The following XPO6 variants were observed in gnomAD, a reference collection of about 807,000 sequenced individuals.
XPO6 encodes the protein exportin-6.
A neutral mutation model predicts 130.0 loss-of-function variants in XPO6; 3 were observed. That is an observed-to-expected ratio of 0.02 (90% CI 0.01 to 0.06). The LOEUF (loss-of-function observed/expected upper bound fraction) is 0.06, where lower values mean the gene tolerates loss of function less well. Ranked by LOEUF, XPO6 falls within the 10% of genes least tolerant of loss-of-function variation. The probability of loss-of-function intolerance (pLI) is 1.00; values close to 1 mark genes in which losing one functional copy is unlikely to be tolerated. For missense variants in XPO6, 970 were observed against 1,393.0 expected (o/e 0.70, Z 4.83); for synonymous variants, 524 against 548.9 (o/e 0.95, Z 0.63).
Position 28,176,030 on chromosome 16 carries a change from C to T in XPO6, c.273G>A (p.Leu91=). The T allele has an allele frequency of 6.2e-7, 1 of 1,614,184 alleles. No individual in the cohort carries two copies. The highest frequency in any genetic ancestry group is 8.5e-7 in the Non-Finnish European group (1 of 1,180,036). ...SQDKMEIRSC[L]PKLLLAHHKT... is the part of the protein sequence containing the mutation. ...TATGGTGAGCCAAAAGGAGTTTGGG[C>T]AGACAGCTACGGATTTCCATCTTAT... The change falls in exon 4 of 24, where the codon CTG becomes CTA. Residue 91 remains leucine, a synonymous_variant. Coordinates refer to ENST00000304658, the MANE Select transcript of XPO6 (RefSeq NM_015171.4).
intron 13 of XPO6, among the ~76,000 whole-genome samples, chr16:28,124,471 A>G (rs908405473): frequency 6.6e-6 from 1 of 152,168 alleles, no homozygotes; most frequent in African/African-American, 2.4e-5. Context: ...CCTCAGTGCA[A>G]ATGGGCCCAG....
At chr16:28,145,948 A>G in intron 9 of XPO6, 146 bp downstream of exon 9, 1 of 551,030 alleles carries the variant, frequency 1.8e-6, no homozygotes. Context: ...AAGGAGAAAA[A>G]AAAGGAAATG....
chr16:28,166,323 T>A (rs1410763541), intron 6 of XPO6, among the ~76,000 whole-genome samples, 185 bp downstream of exon 6: 1 of 152,176 alleles, frequency 6.6e-6, no homozygotes, highest in Non-Finnish European at 1.5e-5. Flanking sequence ...ACTATTTTTT[T>A]AATGTAATTT....
intron 5 of XPO6, 89 bp from the exon 6 acceptor site, chr16:28,166,674 T>C: frequency 6.5e-7 from 1 of 1,536,892 alleles, no homozygotes; most frequent in Non-Finnish European, 8.8e-7. Flanking sequence ...ATACCTCTGA[T>C]CAAACATGAG....
chr16:28,119,979 C>T (rs547030318), intron 14 of XPO6, among the ~76,000 whole-genome samples: 2 of 152,190 alleles, frequency 1.3e-5, no homozygotes, highest in South Asian at 4.1e-4. Context: ...GTAGTTGGGA[C>T]TACAGGTGCA....
At chr16:28,107,782 G>T in intron 17 of XPO6, 105 bp from the exon 18 acceptor site, 1 of 1,224,204 alleles carries the variant, frequency 8.2e-7, no homozygotes, top group Non-Finnish European at 1.2e-6. Context: ...CCAAGAAGAT[G>T]ATCACACGAG....
At chr16:28,105,864 A>C in intron 20 of XPO6, 179 bp downstream of exon 20, 2 of 894,188 alleles carry the variant, frequency 2.2e-6, no homozygotes, top group Admixed American at 2.7e-5. Flanking sequence ...CAATGAACTC[A>C]ATCAATATAA....
chr16:28,201,110 G>GT (rs1334453804), intron 1 of XPO6, among the ~76,000 whole-genome samples: 1 of 152,030 alleles, frequency 6.6e-6, no homozygotes, highest in East Asian at 1.9e-4. Flanking sequence ...GGGCTCCCCA[G>GT]TAAGCACACC....
chr16:28,168,673 G>A (rs118127284), intron 5 of XPO6, among the ~76,000 whole-genome samples: 4 of 151,052 alleles, frequency 2.6e-5, no homozygotes, highest in African/African-American at 9.7e-5. Flanking sequence ...ACGATCATAG[G>A]TCACTGCAGC....
rs2043143360 is a variant in XPO6 at position 28,154,182 on chromosome 16, T to C, written c.1098-1397A>G. 3.1e-6 allele frequency: 3 copies of C among 979,194 alleles called. No individual in the cohort carries two copies. In the South Asian group the frequency reaches 1.4e-4, roughly 46 times the overall value. The allele number at this position is 979,194 out of a possible 1,614,324, so 60.7% of individuals were successfully genotyped here. A position where few individuals can be genotyped will look rare whatever the true frequency, so the allele number is the denominator to read the frequency against. ...TCACTTATGTACCGCATGATAGTTT[T>C]ACATGGATATTCAAAGTCACCACCC... On this transcript the variant is annotated intron_variant, in intron 7 of 23. Transcript: ENST00000304658.
intron 5 of XPO6, among the ~76,000 whole-genome samples, chr16:28,169,204 C>T (rs1350353897): frequency 6.6e-6 from 1 of 152,208 alleles, no homozygotes; most frequent in Non-Finnish European, 1.5e-5. Context: ...CCCCTCTCCT[C>T]CTACCTTCCT....
intron 17 of XPO6, among the ~76,000 whole-genome samples, chr16:28,108,500 A>C (rs1430951837): frequency 6.6e-6 from 1 of 152,202 alleles, no homozygotes; most frequent in African/African-American, 2.4e-5. Context: ...AAGGTCCCGA[A>C]CGATGCTAGC....
chr16:28,104,507 A>G, intron 21 of XPO6, 39 bp downstream of exon 21: 4 of 1,611,716 alleles, frequency 2.5e-6, no homozygotes, highest in Non-Finnish European at 3.4e-6. Flanking sequence ...TGGTCAGGTT[A>G]GAGGAAGTCA....
chr16:28,153,087 G>C (rs1237794872), intron 7 of XPO6: 6 of 1,048,942 alleles, frequency 5.7e-6, no homozygotes, highest in East Asian at 9.9e-5. Flanking sequence ...GAAGGGAAAT[G>C]ATAAAAAGTT....
chr16:28,140,398 A>T (rs765807684), intron 9 of XPO6, among the ~76,000 whole-genome samples: 1 of 151,154 alleles, frequency 6.6e-6, no homozygotes, highest in Non-Finnish European at 1.5e-5. Context: ...TTTGAAGGAT[A>T]GCCGGGCGTG....
At chr16:28,118,184 G>T (rs1033819770) in intron 14 of XPO6, among the ~76,000 whole-genome samples, 2 of 152,204 alleles carry the variant, frequency 1.3e-5, no homozygotes, top group Non-Finnish European at 2.9e-5. Context: ...CACAAAGACA[G>T]TGTTCCTCAT....
chr16:28,141,962 TTCCAAGC>T (rs2042903071), intron 9 of XPO6, among the ~76,000 whole-genome samples: 1 of 152,206 alleles, frequency 6.6e-6, no homozygotes, highest in Non-Finnish European at 1.5e-5. Flanking sequence ...GAGCTCCAAT[TTCCAAGC>T]TCCTAGGACC....
At chr16:28,146,386 A>G in intron 8 of XPO6, 183 bp from the exon 9 acceptor site, 1 of 560,368 alleles carries the variant, frequency 1.8e-6, no homozygotes, top group African/African-American at 1.9e-5. Flanking sequence ...CCTGAACCTT[A>G]CAAGACAAGG....
chr16:28,180,326 T>C (rs995723012), intron 2 of XPO6, among the ~76,000 whole-genome samples: 4 of 152,134 alleles, frequency 2.6e-5, no homozygotes, highest in Non-Finnish European at 2.9e-5. Context: ...GATCGCCCCA[T>C]GAACTCCAGC....
Sources: gnomAD v4.1 joint callset for allele counts (sites outside exome capture counted in the v4.1 genomes callset) on GRCh38, gnomAD v4.1.1 for gene constraint, MANE v1.5 for transcripts, NCBI Gene and HGNC (gene_info 2026-07-23, HGNC 2026-07-21) for gene names.